Variants in TLL1 observed in about 807,000 individuals in gnomAD.
The protein encoded by TLL1 is tolloid like 1, also known as tolloid-like protein 1.
A neutral mutation model predicts 128.2 loss-of-function variants in TLL1; 49 were observed. That is an observed-to-expected ratio of 0.38 (90% CI 0.30 to 0.48). The LOEUF (loss-of-function observed/expected upper bound fraction) is 0.48. Among genes scored for constraint, TLL1 ranks in the 20% least tolerant of loss-of-function variants. The pLI is 0.96. For synonymous variants in TLL1, 454 were observed against 418.8 expected, an observed-to-expected ratio of 1.08 and a Z score of -1.03; for missense variants, 1,123 against 1,242.0, an observed-to-expected ratio of 0.90 and a Z score of 1.44.
rs553749930 is a variant in TLL1 at position 166,048,284 on chromosome 4, G to C, written c.1524+4865G>C. On this transcript the variant is annotated intron_variant, in intron 12 of 20. Coordinates refer to ENST00000061240, the MANE Select transcript of TLL1 (RefSeq NM_012464.5). ...GCCTAGGGAGCTTCTACCATGTGAGGGCAAAATGAAAAGGCAACGCTTATG... is the reference window on the plus strand; with the variant it reads ...GCCTAGGGAGCTTCTACCATGTGAGCGCAAAATGAAAAGGCAACGCTTATG... Among the ~76,000 whole-genome samples the C allele has an allele frequency of 1.0e-3, 156 of 150,768 alleles. 1 individual carries two copies. Among genetic ancestry groups the C allele is most frequent in the South Asian group, 2.1e-3 (10 of 4,772 alleles).
At chr4:165,997,384 G>T (rs1422317439) in intron 5 of TLL1, among the ~76,000 whole-genome samples, 1 of 152,104 alleles carries the variant, frequency 6.6e-6, no homozygotes, top group Non-Finnish European at 1.5e-5. Context: ...TAGTGTAATT[G>T]TTCATTGAGA....
chr4:165,960,949 C>T (rs1447100516), intron 1 of TLL1, among the ~76,000 whole-genome samples: 2 of 152,050 alleles, frequency 1.3e-5, no homozygotes, highest in Non-Finnish European at 2.9e-5. Flanking sequence ...CCTACTTGAA[C>T]ATGGTACTGG....
intron 1 of TLL1, among the ~76,000 whole-genome samples, chr4:165,975,858 T>G (rs997696119): frequency 1.3e-5 from 2 of 151,784 alleles, no homozygotes; most frequent in Admixed American, 6.6e-5. Context: ...GCCAGTATGC[T>G]GAAACCCCGT....
intron 19 of TLL1, among the ~76,000 whole-genome samples, chr4:166,091,933 A>G (rs932831587): frequency 1.3e-5 from 2 of 152,122 alleles, no homozygotes; most frequent in African/African-American, 4.8e-5. Context: ...TTAGAAAAAT[A>G]TGAAAAATTT....
intron 12 of TLL1, among the ~76,000 whole-genome samples, chr4:166,049,169 T>A (rs899737634): frequency 2.6e-5 from 4 of 152,190 alleles, no homozygotes; most frequent in African/African-American, 9.6e-5. Flanking sequence ...AATTACGGTC[T>A]AGGCTATCCT....
At chr4:166,084,662 G>T (rs1395023199) in intron 18 of TLL1, among the ~76,000 whole-genome samples, 1 of 151,980 alleles carries the variant, frequency 6.6e-6, no homozygotes, top group Non-Finnish European at 1.5e-5. Flanking sequence ...GTGTGTTCTT[G>T]GCATCTTTGT....
intron 1 of TLL1, among the ~76,000 whole-genome samples, chr4:165,941,667 G>T (rs72972222): frequency 6.6e-6 from 1 of 152,006 alleles, no homozygotes; most frequent in South Asian, 2.1e-4. Context: ...CATTTGAAAA[G>T]AAACTTAAAA....
At chr4:165,980,474 A>G (rs1736105879) in intron 1 of TLL1, among the ~76,000 whole-genome samples, 1 of 152,194 alleles carries the variant, frequency 6.6e-6, no homozygotes, top group African/African-American at 2.4e-5. Context: ...TGTTGCAGGC[A>G]TAGCCTAAGA....
At chr4:165,901,849 C>A (rs1027402586) in intron 1 of TLL1, among the ~76,000 whole-genome samples, 5 of 152,166 alleles carry the variant, frequency 3.3e-5, no homozygotes, top group African/African-American at 1.2e-4. Flanking sequence ...ACCACAGCCA[C>A]CCCTTACCCC....
chr4:165,877,899 A>G (rs925067941), intron 1 of TLL1, among the ~76,000 whole-genome samples: 9 of 152,058 alleles, frequency 5.9e-5, no homozygotes, highest in Admixed American at 5.9e-4. Flanking sequence ...AGAGGGGTAT[A>G]GAATTGGTGG....
chr4:166,082,900 C>T (rs1481284957), intron 18 of TLL1, among the ~76,000 whole-genome samples: 2 of 152,118 alleles, frequency 1.3e-5, no homozygotes, highest in South Asian at 4.1e-4. Flanking sequence ...TGGTCTCGAA[C>T]TCCTGACCTC....
At chr4:166,085,251 T>C (rs1408262441) in intron 18 of TLL1, among the ~76,000 whole-genome samples, 1 of 151,676 alleles carries the variant, frequency 6.6e-6, no homozygotes, top group Admixed American at 6.6e-5. Context: ...TTTTTTTTTT[T>C]TTCAATTTGG....
At chr4:165,963,690 A>C (rs1179785682) in intron 1 of TLL1, among the ~76,000 whole-genome samples, 2 of 152,164 alleles carry the variant, frequency 1.3e-5, no homozygotes, top group African/African-American at 2.4e-5. Flanking sequence ...TTTATCATAA[A>C]TTATAAGGAG....
At chr4:165,994,669 G>A (rs1219515684) in intron 4 of TLL1, 136 bp downstream of exon 4, 6 of 998,032 alleles carry the variant, frequency 6.0e-6, no homozygotes, top group South Asian at 1.5e-5. Flanking sequence ...ATTAACTTAG[G>A]TTATTAGTGT....
At chr4:165,921,021 G>C (rs1189590900) in intron 1 of TLL1, among the ~76,000 whole-genome samples, 1 of 152,158 alleles carries the variant, frequency 6.6e-6, no homozygotes, top group East Asian at 1.9e-4. Flanking sequence ...GCATTGGGAA[G>C]AGCGTGGAAC....
intron 14 of TLL1, among the ~76,000 whole-genome samples, chr4:166,058,471 C>T (rs971005201): frequency 1.3e-5 from 2 of 152,012 alleles, no homozygotes; most frequent in African/African-American, 4.8e-5. Context: ...GACTTTTTGT[C>T]GTGGTTATCT....
chr4:166,062,358 T>C (rs192422474), intron 15 of TLL1, among the ~76,000 whole-genome samples: 1 of 152,336 alleles, frequency 6.6e-6, no homozygotes, highest in Non-Finnish European at 1.5e-5. Flanking sequence ...GAGCATGGAA[T>C]GTTCTTCCAT....
At chr4:165,948,730 C>A (rs1006810049) in intron 1 of TLL1, among the ~76,000 whole-genome samples, 1 of 152,094 alleles carries the variant, frequency 6.6e-6, no homozygotes, top group Non-Finnish European at 1.5e-5. Context: ...CTCTTAAAGT[C>A]CCCACCTCTC....
chr4:166,009,819 A>G (rs1206722374), intron 7 of TLL1, among the ~76,000 whole-genome samples: 1 of 151,192 alleles, frequency 6.6e-6, no homozygotes, highest in Non-Finnish European at 1.5e-5. Flanking sequence ...TTTTTTTTCA[A>G]TTATGGAAAA....
Sources: allele counts gnomAD v4.1 joint callset (sites outside exome capture counted in the v4.1 genomes callset), GRCh38; gene constraint gnomAD v4.1.1; transcripts MANE v1.5; gene names NCBI Gene and HGNC (gene_info 2026-07-23, HGNC 2026-07-21).